Variants in EYS observed in about 807,000 individuals in gnomAD.
EYS encodes EGF-like photoreceptor maintenance factor.
EYS carries 250 observed loss-of-function variants against 282.1 expected under a neutral mutation model. That is an observed-to-expected ratio of 0.89 (90% CI 0.80 to 0.98). The LOEUF is 0.98. Among genes scored for constraint, EYS ranks in the 50% least tolerant of loss-of-function variants. EYS has a pLI of 0.00. For synonymous variants in EYS, 1,355 were observed against 1,282.9 expected, an observed-to-expected ratio of 1.06 and a Z score of -1.20; for missense variants, 4,016 against 3,709.0, an observed-to-expected ratio of 1.08 and a Z score of -2.15.
At chr6:64,609,587 C>G (rs1767043775) in intron 24 of EYS, among the ~76,000 whole-genome samples, 2 of 149,064 alleles carry the variant, frequency 1.3e-5, no homozygotes, top group Admixed American at 1.3e-4. Context: ...TAGAGAGTAG[C>G]TTAATAATAT....
intron 7 of EYS, among the ~76,000 whole-genome samples, chr6:65,387,809 T>A (rs184030737): frequency 3.9e-4 from 60 of 152,110 alleles, no homozygotes; most frequent in Middle Eastern, 3.4e-3. Flanking sequence ...CAGTTATATT[T>A]GTAATTTTTA....
chr6:65,265,927 G>A (rs949534190), intron 12 of EYS, among the ~76,000 whole-genome samples: 3 of 151,772 alleles, frequency 2.0e-5, no homozygotes, highest in African/African-American at 7.2e-5. Context: ...TACAGAATTT[G>A]ATAATATTTT....
intron 31 of EYS, among the ~76,000 whole-genome samples, chr6:64,147,498 T>C (rs1208793703): frequency 6.6e-6 from 1 of 152,176 alleles, no homozygotes; most frequent in Non-Finnish European, 1.5e-5. Flanking sequence ...CCTTACTCCA[T>C]GCCAGGCACT....
At chr6:64,048,029 C>T (rs139865102) in intron 33 of EYS, among the ~76,000 whole-genome samples, 4 of 152,240 alleles carry the variant, frequency 2.6e-5, no homozygotes, top group African/African-American at 4.8e-5. Context: ...CCTCAGCCTC[C>T]CAAGTAGCTG....
chr6:64,882,294 G>A (rs1225791467), intron 19 of EYS, among the ~76,000 whole-genome samples: 4 of 151,670 alleles, frequency 2.6e-5, no homozygotes, highest in South Asian at 2.1e-4. Context: ...GTCACACATC[G>A]ACTTGGCACA....
chr6:63,882,939 G>A (rs1483668637), intron 35 of EYS, among the ~76,000 whole-genome samples: 1 of 152,174 alleles, frequency 6.6e-6, no homozygotes, highest in East Asian at 1.9e-4. Context: ...ACAGAGGCTA[G>A]ATCATGTAGG....
At chr6:64,445,180 T>G (rs1273534569) in intron 26 of EYS, among the ~76,000 whole-genome samples, 1 of 152,224 alleles carries the variant, frequency 6.6e-6, no homozygotes, top group Non-Finnish European at 1.5e-5. Flanking sequence ...CAATCATATT[T>G]GTGGTGTTTT....
intron 2 of EYS, among the ~76,000 whole-genome samples, chr6:65,518,820 G>A (rs553824893): frequency 6.6e-6 from 1 of 152,044 alleles, no homozygotes; most frequent in African/African-American, 2.4e-5. Context: ...ATCAGGTCTT[G>A]CAGTCCCCTT....
In EYS at chr6:64,137,035, T is replaced by G. The variant is rs559774771; in HGVS notation, c.6425-55033A>C. 2.6e-5 allele frequency among the ~76,000 whole-genome samples: 4 copies of G among 152,296 alleles called. No individual in the cohort carries two copies. In the East Asian group the frequency reaches 7.7e-4, roughly 29 times the overall value. ...AATCCATTGTTTAGTGTAACGACCTTCATCAATGATCTTAGATACATCTTC... is the reference window on the plus strand; with the variant it reads ...AATCCATTGTTTAGTGTAACGACCTGCATCAATGATCTTAGATACATCTTC... On this transcript the variant is annotated intron_variant, in intron 31 of 42. Transcript: ENST00000503581.
rs115650281 is a variant in EYS at position 65,691,300 on chromosome 6, T to C, written c.-448+15835A>G. On this transcript the variant is annotated intron_variant, in intron 1 of 42. Coordinates refer to ENST00000503581, the MANE Select transcript of EYS (RefSeq NM_001142800.2). ...TAACTGGTGTAAGATGGTACCTCAT[T>C]GCGGTTTTGATTTGCCTTTAACTAA... is the stretch of plus-strand genomic sequence containing the variant. Among the ~76,000 whole-genome samples the C allele has an allele frequency of 3.5e-3, 525 of 150,570 alleles. 27 individuals are homozygous for C. Among genetic ancestry groups the C allele is most frequent in the South Asian group, 7.9e-3 (37 of 4,700 alleles).
intron 18 of EYS, among the ~76,000 whole-genome samples, chr6:64,895,443 T>A (rs192925105): frequency 6.6e-6 from 1 of 152,214 alleles, no homozygotes; most frequent in African/African-American, 2.4e-5. Context: ...CCAATCAAAA[T>A]TGCTTGTTTG....
intron 22 of EYS, among the ~76,000 whole-genome samples, chr6:64,652,443 G>T (rs889290393): frequency 2.0e-5 from 3 of 152,038 alleles, no homozygotes; most frequent in African/African-American, 2.4e-5. Flanking sequence ...TTTTCTACCT[G>T]ACAAAAAATG....
chr6:65,068,273 C>A lies in EYS; in HGVS notation c.2024-10546G>T, dbSNP rs987076162. Among the ~76,000 whole-genome samples the A allele has an allele frequency of 4.6e-5, 7 of 152,236 alleles. No individual in the cohort carries two copies. The South Asian group carries it at 1.2e-3, about 27-fold the overall frequency. On this transcript the variant is annotated intron_variant, in intron 12 of 42. Transcript: ENST00000503581. Reference sequence around the variant, plus strand: ...AGTCGAATGTTAAGGAAATCCATTTCACATCAGTCACACCCTCCCATGGCT... The same window carrying A: ...AGTCGAATGTTAAGGAAATCCATTTAACATCAGTCACACCCTCCCATGGCT...
chr6:63,924,260 G>C (rs568739550), intron 35 of EYS, among the ~76,000 whole-genome samples: 3 of 152,114 alleles, frequency 2.0e-5, no homozygotes, highest in Non-Finnish European at 4.4e-5. Context: ...CATGACTTAT[G>C]TTTTCAGGCT....
intron 14 of EYS, among the ~76,000 whole-genome samples, chr6:64,963,197 A>T (rs1255621692): frequency 6.6e-6 from 1 of 152,188 alleles, no homozygotes; most frequent in East Asian, 1.9e-4. Context: ...TACTTCAGTT[A>T]TCTTTATCTC....
chr6:64,374,609 C>A (rs997169467), intron 29 of EYS, among the ~76,000 whole-genome samples: 4 of 152,184 alleles, frequency 2.6e-5, no homozygotes, highest in African/African-American at 9.7e-5. Context: ...TGTTCCCCTT[C>A]TGCTTTAATT....
intron 22 of EYS, among the ~76,000 whole-genome samples, chr6:64,693,542 T>A (rs1770472135): frequency 6.6e-6 from 1 of 152,136 alleles, no homozygotes; most frequent in Non-Finnish European, 1.5e-5. Flanking sequence ...CAATAGTGAA[T>A]GTAAAGGCTT....
chr6:64,924,396 T>A (rs1377541879), intron 15 of EYS, among the ~76,000 whole-genome samples: 2 of 152,188 alleles, frequency 1.3e-5, no homozygotes, highest in East Asian at 3.9e-4. Flanking sequence ...AGGGCTGTGA[T>A]GGGAGGGGAT....
chr6:64,743,781 CA>C (rs1772455140), intron 22 of EYS, among the ~76,000 whole-genome samples: 1 of 151,898 alleles, frequency 6.6e-6, no homozygotes, highest in Admixed American at 6.5e-5. Context: ...AGAATTGTTA[CA>C]AAAAGTGTCA....
Sources: gnomAD v4.1 joint callset for allele counts (sites outside exome capture counted in the v4.1 genomes callset) on GRCh38, gnomAD v4.1.1 for gene constraint, MANE v1.5 for transcripts, NCBI Gene and HGNC (gene_info 2026-07-23, HGNC 2026-07-21) for gene names.